The following CYFIP1 variants were observed in gnomAD, a reference collection of about 807,000 sequenced individuals.
CYFIP1 encodes cytoplasmic FMR1-interacting protein 1.
Under a neutral mutation model 163.5 loss-of-function variants are expected in CYFIP1, and 58 were observed. That is an observed-to-expected ratio of 0.35 (90% confidence interval 0.29 to 0.44). The LOEUF (loss-of-function observed/expected upper bound fraction) is 0.44, where lower values mean the gene tolerates loss of function less well. CYFIP1 is among the 20% of genes least tolerant of loss of function. The pLI is 1.00. For missense variants in CYFIP1, 1,338 were observed against 1,653.8 expected (o/e 0.81, Z 3.31); for synonymous variants, 663 against 660.7 (o/e 1.00, Z -0.05).
At chr15:22,978,707 G>A (rs772050595) in intron 1 of CYFIP1, among the ~76,000 whole-genome samples, 1 of 151,926 alleles carries the variant, frequency 6.6e-6, no homozygotes, top group Admixed American at 6.6e-5. Flanking sequence ...GGCTGTATCC[G>A]AGAGCCACAC....
rs1178611928 is a variant in CYFIP1 at position 22,868,206 on chromosome 15, A to G, written c.*1822T>C. 6.6e-6 allele frequency: 1 copy of G among 152,108 alleles called. No homozygotes were observed. The highest frequency in any genetic ancestry group is 1.9e-4 in the East Asian group (1 of 5,200). 9.4% of individuals were successfully genotyped at this position (152,108 alleles called of 1,614,324 possible). ...TTGGCCTTCTAAGGAGCTGTTTTAG[A>G]TGTTTTTTCTAACTGCCTCCTCCCA... On this transcript the variant is annotated 3_prime_UTR_variant, in exon 31 of 31. Coordinates refer to ENST00000617928, the MANE Select transcript of CYFIP1 (RefSeq NM_014608.6).
chr15:22,916,712 G>A, intron 15 of CYFIP1, 82 bp from the exon 16 acceptor site: 1 of 1,614,082 alleles, frequency 6.2e-7, no homozygotes, highest in Non-Finnish European at 8.5e-7. Flanking sequence ...GCCCATGAGA[G>A]AAGGACTGCT....
At chr15:22,900,112 A>G (rs915956233) in intron 22 of CYFIP1, among the ~76,000 whole-genome samples, 1 of 152,172 alleles carries the variant, frequency 6.6e-6, no homozygotes, top group African/African-American at 2.4e-5. Flanking sequence ...GGGTCACCAC[A>G]TATGTGTCTG....
rs2061736390 is a variant in CYFIP1, at chr15:22,937,156, T to C, written c.848A>G (p.Lys283Arg). ...LMDGSVSNIY[K>R]LDAKKRINLS... ...GTTTATTCTTTTCTTGGCATCCAAC[T>C]TATAGATGTTACTGACACTCCCATC... Residue 283 changes from lysine to arginine, a missense_variant, in exon 9 of 31, where the codon AAG (lysine) becomes AGG (arginine). Around this residue, in one of 4 missense-constraint regions of CYFIP1, gnomAD observed 824 missense variants for 995.7 expected, o/e 0.83. Coordinates refer to ENST00000617928, the MANE Select transcript of CYFIP1 (RefSeq NM_014608.6). 13 of 1,613,764 alleles carry C rather than the reference T, an allele frequency of 8.1e-6. No homozygotes were observed. Among genetic ancestry groups the C allele is most frequent in the Non-Finnish European group, 1.1e-5 (13 of 1,179,660 alleles).
At chr15:22,902,987 C>T (rs539738504) in intron 22 of CYFIP1, among the ~76,000 whole-genome samples, 26 of 152,146 alleles carry the variant, frequency 1.7e-4, no homozygotes, top group African/African-American at 6.0e-4. Context: ...GGGTGGGACG[C>T]GGAGATCAGA....
chr15:22,924,907 A>G (rs2061309640), intron 13 of CYFIP1, among the ~76,000 whole-genome samples: 1 of 152,122 alleles, frequency 6.6e-6, no homozygotes, highest in Admixed American at 6.6e-5. Context: ...CCCCATCTCT[A>G]CCAAAAATAT....
At chr15:22,964,274 C>CCACACACACACACA (rs60879784) in intron 1 of CYFIP1, among the ~76,000 whole-genome samples, 3 of 97,178 alleles carry the variant, frequency 3.1e-5, no homozygotes, top group South Asian at 4.2e-4. Flanking sequence ...CTCCTCCTCA[C>CCACACACACACACA]CACACACACA....
At chr15:22,920,104 C>T (rs1025223059) in intron 13 of CYFIP1, among the ~76,000 whole-genome samples, 4 of 147,588 alleles carry the variant, frequency 2.7e-5, no homozygotes, top group African/African-American at 1.0e-4. Context: ...AAAAAACAAA[C>T]AAACAAAAAA....
At chr15:22,922,537 G>A (rs1194416616) in intron 13 of CYFIP1, among the ~76,000 whole-genome samples, 1 of 152,182 alleles carries the variant, frequency 6.6e-6, no homozygotes, top group African/African-American at 2.4e-5. Flanking sequence ...ATAACCTTCA[G>A]TGCAACAACT....
chr15:22,883,136 A>G, intron 23 of CYFIP1, 125 bp from the exon 24 acceptor site: 1 of 1,117,134 alleles, frequency 9.0e-7, no homozygotes, highest in South Asian at 1.7e-5. Context: ...CTGACTTGTA[A>G]AATCTACTGC....
At position 22,867,459 on chromosome 15, in the gene CYFIP1, T is replaced by A. The variant is rs753126786; in HGVS notation, c.*2569A>T. ...TGAGATGATCACCGTGAATCCGGCT[T>A]CCTCTGAGCATTCGATGGCCTTAGC... On this transcript the variant is annotated 3_prime_UTR_variant, in exon 31 of 31. Transcript: ENST00000617928. 8.7e-6 allele frequency: 3 copies of A among 344,856 alleles called. No homozygotes were observed. Among genetic ancestry groups the A allele is most frequent in the Non-Finnish European group, 1.5e-5 (3 of 193,782 alleles). 21.4% of individuals were successfully genotyped at this position (344,856 alleles called of 1,614,324 possible). A position where few individuals can be genotyped will look rare whatever the true frequency, so the allele number is the denominator to read the frequency against.
chr15:22,910,568 G>C lies in CYFIP1; in HGVS notation c.2220C>G (p.Leu740=). The C allele has an allele frequency of 1.2e-6, 2 of 1,614,222 alleles. No individual in the cohort carries two copies. The highest frequency in any genetic ancestry group is 1.7e-6 in the Non-Finnish European group (2 of 1,180,024). The stretch of plus-strand genomic sequence containing the variant: ...GCGTCTCGTAGCGGTTAGACGGCGG[G>C]AGGTGGATCGTGGCTCCCTGATTCT... ...ECKNQGATIH[L]PPSNRYETLL... Residue 740 remains leucine (L), a synonymous_variant, in exon 20 of 31, where the codon CTC becomes CTG. Coordinates refer to ENST00000617928, the MANE Select transcript of CYFIP1 (RefSeq NM_014608.6).
intron 1 of CYFIP1, among the ~76,000 whole-genome samples, chr15:22,960,117 G>A (rs2062625309): frequency 6.6e-6 from 1 of 152,172 alleles, no homozygotes; most frequent in South Asian, 2.1e-4. Flanking sequence ...CTCCACCACT[G>A]TGCCCAGCCC....
intron 1 of CYFIP1, among the ~76,000 whole-genome samples, chr15:22,959,496 G>A (rs115717006): frequency 0.11 from 16,811 of 152,240 alleles, 1,067 homozygotes; most frequent in Non-Finnish European, 0.12. Context: ...CTTGCCTCAC[G>A]TGCCTCAGTG....
chr15:22,867,238 T>A lies in CYFIP1; in HGVS notation c.*2790A>T, dbSNP rs913791824. The A allele has an allele frequency of 3.2e-5, 13 of 403,946 alleles. No homozygotes were observed. The highest frequency in any genetic ancestry group is 2.4e-4 in the South Asian group (2 of 8,360). 25.0% of individuals were successfully genotyped at this position (403,946 alleles called of 1,614,324 possible). A position where few individuals can be genotyped will look rare whatever the true frequency, so the allele number is the denominator to read the frequency against. ...CTGACCATGTAAGGCTTTTTTATTT[T>A]AAAAAAACAGAGTTATCCCAATACA... On this transcript the variant is annotated 3_prime_UTR_variant, in exon 31 of 31. Coordinates refer to ENST00000617928, the MANE Select transcript of CYFIP1 (RefSeq NM_014608.6).
intron 26 of CYFIP1, among the ~76,000 whole-genome samples, chr15:22,878,368 A>G (rs7182762): frequency 0.74 from 112,937 of 152,066 alleles, 42,327 homozygotes; most frequent in South Asian, 0.85. Context: ...TGTGGCAGAA[A>G]GCCAGGAGAC....
chr15:22,897,841 G>T (rs569713097), intron 22 of CYFIP1, among the ~76,000 whole-genome samples: 1 of 152,290 alleles, frequency 6.6e-6, no homozygotes, highest in South Asian at 2.1e-4. Context: ...GGCCTTGTGT[G>T]AACGCTGAGA....
chr15:22,874,641 C>T lies in CYFIP1; in HGVS notation c.3119G>A (p.Gly1040Glu). ...NILPRVHVKE[G>E]ERLDAKMKRL... ...TTTCATTTTGGCATCAAGTCTCTCC[C>T]CCTCTGCAGTAGAAAAAATATTTTA... Residue 1040 changes from glycine (G) to glutamate (E), a missense_variant, in exon 28 of 31, where the codon GGG becomes GAG. Physicochemically the swap from Gly to Glu is moderately conservative, Grantham distance 98. Around this residue, in one of 4 missense-constraint regions of CYFIP1, gnomAD observed 306 missense variants for 322.1 expected, o/e 0.95. Transcript: ENST00000617928. 5 of 1,589,074 alleles carry T rather than the reference C, an allele frequency of 3.1e-6. No homozygotes were observed. Among genetic ancestry groups the T allele is most frequent in the Non-Finnish European group, 4.3e-6 (5 of 1,170,860 alleles).
At chr15:22,880,785 G>A (rs892869741) in intron 25 of CYFIP1, among the ~76,000 whole-genome samples, 35 of 152,176 alleles carry the variant, frequency 2.3e-4, no homozygotes, top group Admixed American at 3.3e-4. Flanking sequence ...GGCCCGACAC[G>A]GCCCCTCTGC....
Sources: allele counts gnomAD v4.1 joint callset (sites outside exome capture counted in the v4.1 genomes callset), GRCh38; gene constraint gnomAD v4.1.1; regional missense constraint gnomAD v4.1.1; transcripts MANE v1.5; gene names NCBI Gene and HGNC (gene_info 2026-07-23, HGNC 2026-07-21).